NRXN1: variants seen among roughly 807,000 people sequenced by gnomAD.
NRXN1 encodes the protein neurexin 1.
NRXN1 carries 39 observed loss-of-function variants against 150.9 expected under a neutral mutation model. That is an observed-to-expected ratio of 0.26 (90% CI 0.20 to 0.34). NRXN1 has a LOEUF of 0.34. NRXN1 is among the 10% of genes least tolerant of loss of function. The pLI, the probability that NRXN1 is intolerant of heterozygous loss-of-function variation, is 1.00. For synonymous variants in NRXN1, 924 were observed against 757.0 expected, an observed-to-expected ratio of 1.22 and a Z score of -3.62; for missense variants, 1,815 against 1,949.9, an observed-to-expected ratio of 0.93 and a Z score of 1.30.
intron 12 of NRXN1, among the ~76,000 whole-genome samples, chr2:50,519,733 A>T (rs2092732985): frequency 6.6e-6 from 1 of 151,868 alleles, no homozygotes; most frequent in Non-Finnish European, 1.5e-5. Flanking sequence ...TGGCTATTCA[A>T]ATCTGGTTTA....
intron 17 of NRXN1, among the ~76,000 whole-genome samples, chr2:50,387,166 A>G (rs1480876551): frequency 6.6e-6 from 1 of 152,160 alleles, no homozygotes; most frequent in East Asian, 1.9e-4. Context: ...TGGTATTGTA[A>G]TAAAACAATA....
intron 5 of NRXN1, among the ~76,000 whole-genome samples, chr2:50,665,888 T>C (rs1490686975): frequency 6.6e-6 from 1 of 152,000 alleles, no homozygotes; most frequent in East Asian, 1.9e-4. Context: ...ATAAGCATCT[T>C]CTTAAGACAC....
intron 6 of NRXN1, among the ~76,000 whole-genome samples, chr2:50,622,283 T>C (rs7590315): frequency 0.23 from 35,154 of 152,102 alleles, 4,200 homozygotes; most frequent in Middle Eastern, 0.29. Context: ...CTAGCTCAGA[T>C]AGTATAAACC....
intron 5 of NRXN1, among the ~76,000 whole-genome samples, chr2:50,769,314 T>C (rs1702731979): frequency 6.6e-6 from 1 of 152,022 alleles, no homozygotes; most frequent in Non-Finnish European, 1.5e-5. Context: ...TCCAACTCAA[T>C]CACAGACATT....
chr2:50,686,794 G>T (rs895895334), intron 5 of NRXN1, among the ~76,000 whole-genome samples: 3 of 152,166 alleles, frequency 2.0e-5, no homozygotes, highest in Non-Finnish European at 4.4e-5. Flanking sequence ...TAGATGCATG[G>T]AAATGCACGG....
chr2:50,370,646 T>C (rs2079951773), intron 17 of NRXN1, among the ~76,000 whole-genome samples: 2 of 151,988 alleles, frequency 1.3e-5, no homozygotes, highest in Admixed American at 6.6e-5. Flanking sequence ...CTTCCTAGAA[T>C]GTACCATAAA....
At chr2:50,211,631 T>C (rs1366002432) in intron 18 of NRXN1, among the ~76,000 whole-genome samples, 2 of 151,540 alleles carry the variant, frequency 1.3e-5, no homozygotes, top group African/African-American at 4.8e-5. Context: ...TAAACTTGAA[T>C]GAAACCTAAT....
At chr2:50,910,438 C>T (rs1684359336) in intron 5 of NRXN1, among the ~76,000 whole-genome samples, 1 of 151,906 alleles carries the variant, frequency 6.6e-6, no homozygotes, top group Non-Finnish European at 1.5e-5. Context: ...TTCAAAGAGG[C>T]CAGATAACTT....
chr2:50,110,316 G>A (rs1405692526), intron 18 of NRXN1, among the ~76,000 whole-genome samples: 3 of 151,600 alleles, frequency 2.0e-5, no homozygotes, highest in Admixed American at 2.0e-4. Context: ...CGGTGAAACC[G>A]CGTCTCTACT....
At chr2:50,284,220 C>T (rs1036211640) in intron 17 of NRXN1, among the ~76,000 whole-genome samples, 1 of 152,164 alleles carries the variant, frequency 6.6e-6, no homozygotes, top group African/African-American at 2.4e-5. Context: ...AATAACATTT[C>T]AGTTCCTTAA....
chr2:50,912,383 A>G (rs1208349649), intron 5 of NRXN1: 2 of 152,078 alleles, frequency 1.3e-5, no homozygotes, highest in Non-Finnish European at 2.9e-5. Context: ...TACATATTGC[A>G]TGTGATTTAA....
intron 2 of NRXN1, among the ~76,000 whole-genome samples, chr2:50,979,861 G>A (rs986829437): frequency 6.6e-6 from 1 of 152,084 alleles, no homozygotes; most frequent in African/African-American, 2.4e-5. Context: ...GAGAGCTGAA[G>A]CACACATAAT....
At chr2:50,354,584 T>TAC (rs1168660206) in intron 17 of NRXN1, among the ~76,000 whole-genome samples, 4 of 141,488 alleles carry the variant, frequency 2.8e-5, no homozygotes, top group African/African-American at 1.1e-4. Context: ...TATATATATA[T>TAC]ATACACACAC....
chr2:50,120,663 C>T (rs1339904387), intron 18 of NRXN1, among the ~76,000 whole-genome samples: 1 of 152,044 alleles, frequency 6.6e-6, no homozygotes, highest in Non-Finnish European at 1.5e-5. Flanking sequence ...TTGACCTTTA[C>T]TGATTTGATA....
intron 5 of NRXN1, among the ~76,000 whole-genome samples, chr2:50,637,124 T>G (rs1015896671): frequency 6.6e-6 from 1 of 152,168 alleles, no homozygotes; most frequent in Admixed American, 6.5e-5. Context: ...TCTGACTTTA[T>G]TTCAATATAA....
intron 19 of NRXN1, among the ~76,000 whole-genome samples, chr2:50,087,491 T>C (rs1698954673): frequency 6.6e-6 from 1 of 152,136 alleles, no homozygotes. Context: ...GAATTAATGT[T>C]ATGAGAAAGA....
chr2:50,607,434 A>G (rs1322821136), intron 8 of NRXN1, among the ~76,000 whole-genome samples: 1 of 152,136 alleles, frequency 6.6e-6, no homozygotes, highest in Non-Finnish European at 1.5e-5. Context: ...ATTCCCCTAA[A>G]TGGTTGCTTA....
At chr2:50,809,712 C>T (rs376584654) in intron 5 of NRXN1, among the ~76,000 whole-genome samples, 2 of 152,226 alleles carry the variant, frequency 1.3e-5, no homozygotes, top group East Asian at 3.9e-4. Flanking sequence ...GAGGGGATGA[C>T]AGTTTATTGT....
intron 5 of NRXN1, among the ~76,000 whole-genome samples, chr2:50,851,652 T>C (rs1468707826): frequency 6.6e-6 from 1 of 151,966 alleles, no homozygotes; most frequent in Non-Finnish European, 1.5e-5. Flanking sequence ...CTTGTTAGTT[T>C]AAAATAAACG....
Sources: gnomAD v4.1 joint callset for allele counts (sites outside exome capture counted in the v4.1 genomes callset) on GRCh38, gnomAD v4.1.1 for gene constraint, MANE v1.5 for transcripts, NCBI Gene and HGNC (gene_info 2026-07-23, HGNC 2026-07-21) for gene names.